BRCA2: variants seen among roughly 807,000 people sequenced by gnomAD.
The protein encoded by BRCA2 is BRCA2 DNA repair associated.
A neutral mutation model predicts 276.7 loss-of-function variants in BRCA2; 203 were observed. The observed-to-expected ratio is 0.73, with a 90% CI of 0.65 to 0.82. BRCA2 has a LOEUF of 0.82. Ranked by LOEUF, BRCA2 falls within the 40% of genes least tolerant of loss-of-function variation. The probability of loss-of-function intolerance (pLI) is 0.00; values close to 1 mark genes in which losing one functional copy is unlikely to be tolerated. For synonymous variants in BRCA2, 1,289 were observed against 1,338.4 expected, an observed-to-expected ratio of 0.96 and a Z score of 0.81; for missense variants, 3,920 against 3,915.0, an observed-to-expected ratio of 1.00 and a Z score of -0.03.
Position 32,357,938 on chromosome 13 carries a change from T to A in BRCA2, c.7805+9T>A, listed in dbSNP as rs768471151. The A allele has an allele frequency of 6.2e-7, 1 of 1,611,364 alleles. No individual in the cohort carries two copies. Among genetic ancestry groups the A allele is most frequent in the African/African-American group, 1.3e-5 (1 of 74,880 alleles). On this transcript the variant is annotated intron_variant, in intron 16 of 26. Transcript: ENST00000380152. Reference sequence around the variant, plus strand: ...AAAGAAGAATTTTATAGGTACTCTATGCAAAAAGATTGTGTGTTAACTTTT... The same window carrying A: ...AAAGAAGAATTTTATAGGTACTCTAAGCAAAAAGATTGTGTGTTAACTTTT...
At chr13:32,330,180 T>C (rs1223876871) in intron 8 of BRCA2, among the ~76,000 whole-genome samples, 1 of 152,228 alleles carries the variant, frequency 6.6e-6, no homozygotes, top group African/African-American at 2.4e-5. Flanking sequence ...TGGCGTAATA[T>C]GTAGCTGTCA....
At position 32,340,603 on chromosome 13, in the gene BRCA2, T is replaced by C. The variant is rs774522471; in HGVS notation, c.6248T>C (p.Phe2083Ser). The change falls in exon 11 of 27, where the codon TTT (phenylalanine) becomes TCT (serine). Residue 2083 changes from phenylalanine to serine, a missense_variant. By Grantham distance (155) the Phe-to-Ser change is radical. Around this residue, in one of 2 missense-constraint regions of BRCA2, gnomAD observed 3,263 missense variants for 3,156.9 expected, o/e 1.03. Transcript: ENST00000380152. ...AAAGTTAAGGGAGTGTTAGAGGAAT[T>C]TGATTTAATCAGAACTGAGCATAGT... ...LHKVKGVLEE[F>S]DLIRTEHSLH... 2.5e-6 allele frequency: 4 copies of C among 1,607,900 alleles called. No individual in the cohort carries two copies. The highest frequency in any genetic ancestry group is 3.4e-6 in the Non-Finnish European group (4 of 1,176,926).
chr13:32,342,021 C>T (rs956760234), intron 11 of BRCA2, among the ~76,000 whole-genome samples: 1 of 151,982 alleles, frequency 6.6e-6, no homozygotes, highest in Non-Finnish European at 1.5e-5. Context: ...CCTGTAATCC[C>T]AGCACTTTGG....
Position 32,339,053 on chromosome 13 carries a change from C to A in BRCA2, c.4698C>A (p.Thr1566=), listed in dbSNP as rs750813972. ...GTTTTAGCCATCAATGGGCAAAGACCCTAAAGTACAGAGAGGCCTGTAAAG... is the reference window on the plus strand; with the variant it reads ...GTTTTAGCCATCAATGGGCAAAGACACTAAAGTACAGAGAGGCCTGTAAAG... ...ITSFSHQWAK[T]LKYREACKDL... The change falls in exon 11 of 27, where the codon ACC becomes ACA. Residue 1566 remains threonine (T), a synonymous_variant. Transcript: ENST00000380152. The A allele has an allele frequency of 6.2e-7, 1 of 1,613,694 alleles. No homozygotes were observed. The highest frequency in any genetic ancestry group is 1.6e-4 in the Middle Eastern group (1 of 6,062).
chr13:32,343,305 A>G (rs557842392), intron 11 of BRCA2, among the ~76,000 whole-genome samples: 106 of 152,320 alleles, frequency 7.0e-4, no homozygotes, highest in African/African-American at 2.2e-3. Flanking sequence ...CAAAACTCCA[A>G]CATTTCAGTG....
At chr13:32,347,016 T>TAAAATTTAC in intron 13 of BRCA2, 120 bp downstream of exon 13, 1 of 688,608 alleles carries the variant, frequency 1.5e-6, no homozygotes, top group Non-Finnish European at 2.4e-6. Flanking sequence ...TCCCGTTTTA[T>TAAAATTTAC]AAAATTTATA....
chr13:32,362,666 A>G lies in BRCA2; in HGVS notation c.7949A>G (p.Glu2650Gly). Reference protein sequence around the residue: ...KEFANRCLSPERVLLQLKYRY... With the variant: ...KEFANRCLSPGRVLLQLKYRY... Reference sequence around the variant, plus strand: ...TTTGCTAATAGATGCCTAAGCCCAGAAAGGGTGCTTCTTCAACTAAAATAC... The same window carrying G: ...TTTGCTAATAGATGCCTAAGCCCAGGAAGGGTGCTTCTTCAACTAAAATAC... The change falls in exon 17 of 27, where the codon GAA becomes GGA. Residue 2650 changes from glutamate (E) to glycine (G), a missense_variant. Physicochemically the swap from Glu to Gly is moderately conservative, Grantham distance 98. This residue lies in a region of BRCA2 where 3,263 missense variants were observed against 3,156.9 expected (regional missense o/e 1.03). Transcript: ENST00000380152. 1 of 1,614,210 alleles carries G rather than the reference A, an allele frequency of 6.2e-7. No homozygotes were observed. Among genetic ancestry groups the G allele is most frequent in the South Asian group, 1.1e-5 (1 of 91,082 alleles).
rs867916589 is a variant in BRCA2 at position 32,317,426 on chromosome 13, GA to G, written c.67+907del. ...ATCTGTTATTTTGGTAGAAGTATGT[GA>G]AAAAAAATTAACCTCACGTTGAAAA... On this transcript the variant is annotated intron_variant, in intron 2 of 26. Transcript: ENST00000380152. Among the ~76,000 whole-genome samples the G allele has an allele frequency of 5.3e-5, 8 of 151,880 alleles. No homozygotes were observed. The South Asian group carries it at 1.7e-3, about 32-fold the overall frequency.
intron 16 of BRCA2, among the ~76,000 whole-genome samples, chr13:32,361,160 G>A (rs980000582): frequency 6.6e-6 from 1 of 152,200 alleles, no homozygotes; most frequent in African/African-American, 2.4e-5. Flanking sequence ...AAGAGACTGA[G>A]AAAGAGCAGC....
chr13:32,354,838 T>G, intron 13 of BRCA2, 23 bp from the exon 14 acceptor site: 1 of 1,458,348 alleles, frequency 6.9e-7, no homozygotes, highest in Non-Finnish European at 9.6e-7. Context: ...TCAATAAACT[T>G]ATATATTTTC....
At chr13:32,323,449 G>C (rs570141566) in intron 3 of BRCA2, among the ~76,000 whole-genome samples, 1 of 152,060 alleles carries the variant, frequency 6.6e-6, no homozygotes, top group Non-Finnish European at 1.5e-5. Context: ...CATCATGCCC[G>C]GCCTGTTTTA....
At chr13:32,350,166 C>T (rs2072638089) in intron 13 of BRCA2, among the ~76,000 whole-genome samples, 2 of 152,000 alleles carry the variant, frequency 1.3e-5, no homozygotes, top group African/African-American at 2.4e-5. Flanking sequence ...GCCTTTTGGT[C>T]CCTCACTCTT....
chr13:32,320,205 AG>A (rs1422659593), intron 3 of BRCA2, among the ~76,000 whole-genome samples: 1 of 152,236 alleles, frequency 6.6e-6, no homozygotes, highest in Non-Finnish European at 1.5e-5. Context: ...GCCAAGCTAA[AG>A]AAATTGAATT....
intron 24 of BRCA2, among the ~76,000 whole-genome samples, chr13:32,382,005 CAGTTA>C (rs2072927725): frequency 6.6e-6 from 1 of 152,122 alleles, no homozygotes; most frequent in Non-Finnish European, 1.5e-5. Context: ...CAGTTTTAGA[CAGTTA>C]AGTTTTAGAT....
Position 32,338,435 on chromosome 13 carries a change from TCAG to T in BRCA2, c.4083_4085del (p.Gln1361del), listed in dbSNP as rs1645026216. On this transcript the variant is annotated inframe_deletion, in exon 11 of 27. Transcript: ENST00000380152. ...ATGAAACGGACTTGCTATTTACTGA[TCAG>T]CACAACATATGTCTTAAATTATCTG... 6.2e-7 allele frequency: 1 copy of T among 1,610,852 alleles called. No homozygotes were observed. The highest frequency in any genetic ancestry group is 8.5e-7 in the Non-Finnish European group (1 of 1,179,058).
At chr13:32,345,815 C>T (rs989260152) in intron 12 of BRCA2, among the ~76,000 whole-genome samples, 6 of 151,906 alleles carry the variant, frequency 3.9e-5, no homozygotes, top group Admixed American at 2.6e-4. Flanking sequence ...AAATTGTGAT[C>T]CATCACATGA....
At chr13:32,365,721 CTTTTTTTTTT>C (rs36116910) in intron 18 of BRCA2, among the ~76,000 whole-genome samples, 1 of 105,882 alleles carries the variant, frequency 9.4e-6, no homozygotes, top group Admixed American at 1.0e-4. Context: ...ACTTTGGTGT[CTTTTTTTTTT>C]TTTTTTTTTT....
At chr13:32,387,313 T>C (rs1336976207) in intron 24 of BRCA2, among the ~76,000 whole-genome samples, 1 of 152,238 alleles carries the variant, frequency 6.6e-6, no homozygotes, top group Non-Finnish European at 1.5e-5. Context: ...CATTAGCTTT[T>C]AGTATTATTC....
rs568027879 is a variant in BRCA2 at position 32,329,440 on chromosome 13, C to G, written c.632-3C>G. The stretch of plus-strand genomic sequence containing the variant: ...ACAATACACATAAATTTTTATCTTA[C>G]AGTCAGAAATGAAGAAGCATCTGAA... On this transcript the variant is annotated splice_region_variant and splice_polypyrimidine_tract_variant and intron_variant, in intron 7 of 26. Coordinates refer to ENST00000380152, the MANE Select transcript of BRCA2 (RefSeq NM_000059.4). 2.5e-6 allele frequency: 4 copies of G among 1,590,500 alleles called. No homozygotes were observed. The African/African-American group carries it at 5.4e-5, about 21-fold the overall frequency.
Sources: gnomAD v4.1 joint callset for allele counts (sites outside exome capture counted in the v4.1 genomes callset) on GRCh38, gnomAD v4.1.1 for gene constraint, gnomAD v4.1.1 regional missense constraint, MANE v1.5 for transcripts, NCBI Gene and HGNC (gene_info 2026-07-23, HGNC 2026-07-21) for gene names.